Variants in ZFPM2 observed in about 807,000 individuals in gnomAD.
ZFPM2 encodes the protein zinc finger protein ZFPM2.
Under a neutral mutation model 98.6 loss-of-function variants are expected in ZFPM2, and 20 were observed. The ratio of observed to expected loss-of-function variants is 0.20; its 90% confidence interval spans 0.14 to 0.29. The LOEUF is 0.29. Ranked by LOEUF, ZFPM2 falls within the 10% of genes least tolerant of loss-of-function variation. The pLI is 1.00. For synonymous variants in ZFPM2, 518 were observed against 502.7 expected, an observed-to-expected ratio of 1.03 and a Z score of -0.41; for missense variants, 1,310 against 1,388.6, an observed-to-expected ratio of 0.94 and a Z score of 0.90.
At chr8:105,426,420 A>T (rs2130118275) in intron 2 of ZFPM2, among the ~76,000 whole-genome samples, 1 of 152,236 alleles carries the variant, frequency 6.6e-6, no homozygotes, top group South Asian at 2.1e-4. Flanking sequence ...TGGAGCACTG[A>T]TAGGGCTGAT....
At chr8:105,638,079 C>G (rs555589979) in intron 5 of ZFPM2, among the ~76,000 whole-genome samples, 5 of 152,016 alleles carry the variant, frequency 3.3e-5, no homozygotes, top group Admixed American at 6.6e-5. Context: ...CAAACTCTCT[C>G]TCTCTATCGT....
chr8:105,666,343 T>A (rs984468105), intron 5 of ZFPM2, among the ~76,000 whole-genome samples: 7 of 151,998 alleles, frequency 4.6e-5, no homozygotes, highest in Admixed American at 2.0e-4. Flanking sequence ...AAAAGGAGAG[T>A]GAAAATTATC....
intron 5 of ZFPM2, among the ~76,000 whole-genome samples, chr8:105,718,775 G>A (rs9643020): frequency 0.14 from 21,379 of 151,778 alleles, 1,770 homozygotes; most frequent in East Asian, 0.27. Context: ...GCTATCAACA[G>A]TTTATTCCTC....
chr8:105,789,350 T>G (rs1179454965), intron 6 of ZFPM2, among the ~76,000 whole-genome samples: 2 of 152,290 alleles, frequency 1.3e-5, no homozygotes, highest in Non-Finnish European at 2.9e-5. Context: ...GTTTTTGTTC[T>G]TGCGATAGTT....
At chr8:105,609,091 A>G (rs1816254107) in intron 4 of ZFPM2, among the ~76,000 whole-genome samples, 1 of 152,164 alleles carries the variant, frequency 6.6e-6, no homozygotes, top group Non-Finnish European at 1.5e-5. Context: ...ATATATCAAC[A>G]AGTACAAAAT....
chr8:105,666,184 G>T (rs1817485100), intron 5 of ZFPM2, among the ~76,000 whole-genome samples: 1 of 152,120 alleles, frequency 6.6e-6, no homozygotes, highest in African/African-American at 2.4e-5. Context: ...ACAAGCCATG[G>T]TTGAGACCAC....
chr8:105,352,871 A>G (rs1040229920), intron 1 of ZFPM2, among the ~76,000 whole-genome samples: 1 of 151,896 alleles, frequency 6.6e-6, no homozygotes, highest in Non-Finnish European at 1.5e-5. Flanking sequence ...TTACCAGCTA[A>G]CCTACCTACC....
At position 105,511,143 on chromosome 8, in the gene ZFPM2, T is replaced by G. The variant is rs2130507664; in HGVS notation, c.302-50220T>G. Among the ~76,000 whole-genome samples, 3 of 152,364 alleles carry G rather than the reference T, an allele frequency of 2.0e-5. No homozygotes were observed. The South Asian group carries it at 6.2e-4, about 32-fold the overall frequency. On this transcript the variant is annotated intron_variant, in intron 3 of 7. Coordinates refer to ENST00000407775, the MANE Select transcript of ZFPM2 (RefSeq NM_012082.4). Reference sequence around the variant, plus strand: ...CAACACTGGCTGGGCATGGCCAGACTGGCATGTAGGAAGTCTCTATTGTTG... The same window carrying G: ...CAACACTGGCTGGGCATGGCCAGACGGGCATGTAGGAAGTCTCTATTGTTG...
chr8:105,631,874 T>C (rs1267025303), intron 4 of ZFPM2, among the ~76,000 whole-genome samples: 1 of 152,194 alleles, frequency 6.6e-6, no homozygotes, highest in Non-Finnish European at 1.5e-5. Context: ...GAAATTATTA[T>C]AAAAGTTAAT....
chr8:105,664,504 T>C (rs552071750), intron 5 of ZFPM2, among the ~76,000 whole-genome samples: 2 of 152,260 alleles, frequency 1.3e-5, no homozygotes, highest in East Asian at 3.9e-4. Flanking sequence ...CTGGCTAATT[T>C]TGTATTTTTA....
intron 1 of ZFPM2, among the ~76,000 whole-genome samples, chr8:105,354,923 C>T (rs1812712505): frequency 6.6e-6 from 1 of 152,010 alleles, no homozygotes; most frequent in Non-Finnish European, 1.5e-5. Context: ...CACTGCACTC[C>T]AGCCTGGGCG....
chr8:105,458,225 A>G (rs996403322), intron 3 of ZFPM2, among the ~76,000 whole-genome samples: 8 of 152,342 alleles, frequency 5.3e-5, no homozygotes, highest in East Asian at 1.9e-4. Context: ...CATGTTTTCA[A>G]ATTTTTAAAA....
intron 5 of ZFPM2, among the ~76,000 whole-genome samples, chr8:105,639,968 T>A (rs1359504789): frequency 6.6e-6 from 1 of 152,034 alleles, no homozygotes; most frequent in Non-Finnish European, 1.5e-5. Context: ...AGTATAAAGA[T>A]GAAAATGATG....
intron 7 of ZFPM2, among the ~76,000 whole-genome samples, chr8:105,800,543 A>G (rs897388121): frequency 1.3e-5 from 2 of 152,076 alleles, no homozygotes; most frequent in African/African-American, 4.8e-5. Flanking sequence ...TAATTACTTT[A>G]CAAAATGGTT....
At position 105,372,053 on chromosome 8, in the gene ZFPM2, T is replaced by C. The variant is rs1027069771; in HGVS notation, c.41-47091T>C. On this transcript the variant is annotated intron_variant, in intron 1 of 7. Coordinates refer to ENST00000407775, the MANE Select transcript of ZFPM2 (RefSeq NM_012082.4). ...TATTATTATTATTATTATTATTTTA[T>C]TTTTTTTGAGACGGAGTCTTGCTCT... Among the ~76,000 whole-genome samples the C allele has an allele frequency of 8.7e-5, 13 of 148,816 alleles. No homozygotes were observed. In the Admixed American group the frequency reaches 8.8e-4, roughly 10 times the overall value.
intron 4 of ZFPM2, among the ~76,000 whole-genome samples, chr8:105,566,020 G>A (rs1815236745): frequency 6.6e-6 from 1 of 152,128 alleles, no homozygotes; most frequent in Non-Finnish European, 1.5e-5. Context: ...GTTCGATAGC[G>A]GTCTTTGGGA....
intron 4 of ZFPM2, among the ~76,000 whole-genome samples, chr8:105,587,253 G>A (rs1386366725): frequency 1.3e-5 from 2 of 148,256 alleles, no homozygotes; most frequent in African/African-American, 5.0e-5. Context: ...CTCCAGCCTG[G>A]GTGACAGAGC....
chr8:105,433,963 C>T (rs7835931), intron 2 of ZFPM2, among the ~76,000 whole-genome samples: 2,482 of 152,048 alleles, frequency 0.016, 61 homozygotes, highest in African/African-American at 0.056. Context: ...CTGAAACTAC[C>T]GTCAAAATAA....
At chr8:105,582,833 A>G (rs1815631895) in intron 4 of ZFPM2, among the ~76,000 whole-genome samples, 1 of 152,098 alleles carries the variant, frequency 6.6e-6, no homozygotes, top group South Asian at 2.1e-4. Context: ...GGCTCAAGTG[A>G]TCCACCTGCC....
Sources: gnomAD v4.1 joint callset for allele counts (sites outside exome capture counted in the v4.1 genomes callset) on GRCh38, gnomAD v4.1.1 for gene constraint, MANE v1.5 for transcripts, NCBI Gene and HGNC (gene_info 2026-07-23, HGNC 2026-07-21) for gene names.